DDX60L: variants seen among roughly 807,000 people sequenced by gnomAD.
The protein encoded by DDX60L is DExD/H-box 60 like.
In DDX60L, 191 loss-of-function variants were observed where a neutral mutation model predicts 211.6. That is an observed-to-expected ratio of 0.90 (90% CI 0.80 to 1.02). The LOEUF is 1.02. Ranked by LOEUF, DDX60L falls within the 50% of genes least tolerant of loss-of-function variation. The pLI is 0.00. For synonymous variants in DDX60L, 706 were observed against 694.1 expected (o/e 1.02, Z -0.27); for missense variants, 2,007 against 1,984.1 (o/e 1.01, Z -0.22).
chr4:168,406,321 G>A (rs1747739125), intron 23 of DDX60L, among the ~76,000 whole-genome samples: 1 of 152,098 alleles, frequency 6.6e-6, no homozygotes, highest in Admixed American at 6.5e-5. Flanking sequence ...CAACAGAGAA[G>A]AGAATAGAGG....
chr4:168,362,585 C>T (rs1739291511), intron 36 of DDX60L, among the ~76,000 whole-genome samples: 1 of 152,152 alleles, frequency 6.6e-6, no homozygotes, highest in Non-Finnish European at 1.5e-5. Context: ...CCTGCCCCCA[C>T]CAAAACCATA....
intron 20 of DDX60L, 127 bp downstream of exon 20, chr4:168,416,555 T>G: frequency 1.9e-6 from 1 of 538,410 alleles, no homozygotes. Flanking sequence ...CACTGACGTT[T>G]CAAAGATTGG....
chr4:168,422,664 C>A lies in DDX60L; in HGVS notation c.2104G>T (p.Asp702Tyr). The change falls in exon 16 of 38, where the codon GAT (aspartate) becomes TAT (tyrosine). Residue 702 changes from aspartate to tyrosine, a missense_variant. By Grantham distance (160) the Asp-to-Tyr change is radical (BLOSUM62 -3). Transcript: ENST00000682922. ...ANSLDPTLIGDDKNKKKYSID... is the reference protein window; with the variant it reads ...ANSLDPTLIGYDKNKKKYSID... ...GAATATTTCTTCTTATTTTTGTCATCTCCTATCTGTTATTTTAATATATTA... is the reference window on the plus strand; with the variant it reads ...GAATATTTCTTCTTATTTTTGTCATATCCTATCTGTTATTTTAATATATTA... 1 of 1,583,594 alleles carries A rather than the reference C, an allele frequency of 6.3e-7. No individual in the cohort carries two copies. The highest frequency in any genetic ancestry group is 1.2e-5 in the South Asian group (1 of 86,276).
At chr4:168,423,303 A>G (rs1750948801) in intron 15 of DDX60L, among the ~76,000 whole-genome samples, 1 of 152,150 alleles carries the variant, frequency 6.6e-6, no homozygotes, top group South Asian at 2.1e-4. Flanking sequence ...AGATTGCACT[A>G]GAATTAAGTA....
Position 168,462,025 on chromosome 4 carries a change from A to G in DDX60L, c.280T>C (p.Tyr94His), listed in dbSNP as rs1481786779. 1 of 1,603,520 alleles carries G rather than the reference A, an allele frequency of 6.2e-7. No individual in the cohort carries two copies. Among genetic ancestry groups the G allele is most frequent in the African/African-American group, 1.3e-5 (1 of 74,566 alleles). The change falls in exon 5 of 38, where the codon TAT becomes CAT. Residue 94 changes from tyrosine (Y) to histidine (H), a missense_variant. Transcript: ENST00000682922. The part of the protein sequence containing the change: ...IVFFKDAEYA[Y>H]FDFPELLSLR... ...GAAAGAAGTTCAGGAAAATCAAAAT[A>G]TGCATATTCAGCATCCTGTGGTGAG...
At chr4:168,370,775 A>G (rs1189970200) in intron 36 of DDX60L, among the ~76,000 whole-genome samples, 1 of 152,174 alleles carries the variant, frequency 6.6e-6, no homozygotes, top group Non-Finnish European at 1.5e-5. Flanking sequence ...TATTTTTATC[A>G]GAATTATTTA....
In DDX60L at chr4:168,378,411, TC is replaced by T. The variant is rs1233943559; in HGVS notation, c.4427del (p.Gly1476GlufsTer14). ...GGAATTTTGCTGGAATATATTTTCT[TC>T]CAAACAAATTTGCCAATACTAACAC... ...KLVLVLANLF[G>X]RKYIPAKFQN... On this transcript the variant is annotated frameshift_variant, in exon 33 of 38. Coordinates refer to ENST00000682922, the MANE Select transcript of DDX60L (RefSeq NM_001012967.3). LOFTEE classifies it high-confidence loss of function. The T allele has an allele frequency of 1.9e-6, 3 of 1,553,352 alleles. No homozygotes were observed. Among genetic ancestry groups the T allele is most frequent in the Non-Finnish European group, 2.6e-6 (3 of 1,140,704 alleles).
At chr4:168,420,503 C>T in intron 17 of DDX60L, 123 bp from the exon 18 acceptor site, 1 of 667,810 alleles carries the variant, frequency 1.5e-6, no homozygotes, top group Non-Finnish European at 2.3e-6. Context: ...CACACACACA[C>T]ACTTCAATGA....
chr4:168,421,826 G>T lies in DDX60L; in HGVS notation c.2328C>A (p.Tyr776Ter). 1 of 1,614,214 alleles carries T rather than the reference G, an allele frequency of 6.2e-7. No individual in the cohort carries two copies. The highest frequency in any genetic ancestry group is 8.5e-7 in the Non-Finnish European group (1 of 1,180,042). ...CCCTCAGCACTTTCTCCATGCAGTA[G>T]TAGGAAGCATAGGTTTTGCCTGAGG... ...PTSSGKTYASYYCMEKVLRES... is the reference protein window; with the variant it reads ...PTSSGKTYAS Residue 776 changes from tyrosine (Y) to a stop codon, truncating the protein, a stop_gained, in exon 17 of 38, where the codon TAC (tyrosine) becomes TAA (stop). Transcript: ENST00000682922. LOFTEE classifies it high-confidence loss of function.
At chr4:168,432,885 G>T in intron 11 of DDX60L, 125 bp downstream of exon 11, 1 of 546,834 alleles carries the variant, frequency 1.8e-6, no homozygotes. Context: ...ATGTATTATA[G>T]TCACATTATA....
intron 22 of DDX60L, among the ~76,000 whole-genome samples, chr4:168,412,134 C>A (rs1293580034): frequency 1.3e-5 from 2 of 151,852 alleles, no homozygotes; most frequent in Non-Finnish European, 2.9e-5. Flanking sequence ...GGCATGCTGG[C>A]TTCAGATATG....
chr4:168,386,017 A>G (rs1052050549), intron 29 of DDX60L, among the ~76,000 whole-genome samples: 1 of 152,006 alleles, frequency 6.6e-6, no homozygotes, highest in Admixed American at 6.6e-5. Context: ...AGAAGGGGAG[A>G]GAGAGAGGGA....
Position 168,452,936 on chromosome 4 carries a change from C to G in DDX60L, c.996+188G>C, listed in dbSNP as rs1047797175. Among the ~76,000 whole-genome samples the G allele has an allele frequency of 2.6e-5, 4 of 152,138 alleles. No individual in the cohort carries two copies. The East Asian group carries it at 7.7e-4, about 29-fold the overall frequency. ...ATAAGAAGGAAAAAGAGGAGGCTCT[C>G]ATGCTTCTATAAAACAGATATACTG... On this transcript the variant is annotated intron_variant, in intron 8 of 37. Transcript: ENST00000682922.
At position 168,453,292 on chromosome 4, in the gene DDX60L, A is replaced by T. The variant is rs368843288; in HGVS notation, c.838-10T>A. On this transcript the variant is annotated splice_polypyrimidine_tract_variant and intron_variant, in intron 7 of 37. Transcript: ENST00000682922. Reference sequence around the variant, plus strand: ...GGCAATTACTGTGCACCTGCGTACAATAAAGAAGATGAGAACAGTCACAAT... The same window carrying T: ...GGCAATTACTGTGCACCTGCGTACATTAAAGAAGATGAGAACAGTCACAAT... The T allele has an allele frequency of 3.1e-6, 5 of 1,603,704 alleles. No individual in the cohort carries two copies. The African/African-American group carries it at 6.7e-5, about 22-fold the overall frequency.
At chr4:168,392,994 C>A (rs906778102) in intron 28 of DDX60L, among the ~76,000 whole-genome samples, 11 of 152,186 alleles carry the variant, frequency 7.2e-5, no homozygotes, top group African/African-American at 2.7e-4. Context: ...ACAAGGTCTA[C>A]AACACTGACT....
At chr4:168,461,602 A>G (rs898691135) in intron 5 of DDX60L, 97 bp downstream of exon 5, 4 of 859,196 alleles carry the variant, frequency 4.7e-6, no homozygotes, top group Admixed American at 3.0e-5. Flanking sequence ...ACTGCCTATA[A>G]TAAGTTCCAT....
At chr4:168,390,411 G>A (rs1029012147) in intron 29 of DDX60L, 82 of 1,285,144 alleles carry the variant, frequency 6.4e-5, no homozygotes, top group Non-Finnish European at 7.8e-5. Flanking sequence ...CTTGAGAAAA[G>A]GAAAATATGG....
intron 6 of DDX60L, among the ~76,000 whole-genome samples, chr4:168,456,410 C>T (rs1756575885): frequency 6.6e-6 from 1 of 151,860 alleles, no homozygotes; most frequent in African/African-American, 2.4e-5. Flanking sequence ...TTTAGTAAAA[C>T]ATGAACTGAT....
rs901741908 is a variant in DDX60L at position 168,371,727 on chromosome 4, C to T, written c.4813G>A (p.Ala1605Thr). Residue 1605 changes from alanine to threonine, a missense_variant, in exon 36 of 38, where the codon GCT becomes ACT. Transcript: ENST00000682922. ...LRTVGVSGTQ[A>T]PLLWPWKLDN... The stretch of plus-strand genomic sequence containing the variant: ...AATTTCCATGGCCACAGCAGAGGAG[C>T]CTGAGTGCCACTAACACCGACTGTG... 1.2e-6 allele frequency: 2 copies of T among 1,610,676 alleles called. No individual in the cohort carries two copies. The highest frequency in any genetic ancestry group is 1.7e-6 in the Non-Finnish European group (2 of 1,177,720).
Sources: gnomAD v4.1 joint callset for allele counts (sites outside exome capture counted in the v4.1 genomes callset) on GRCh38, gnomAD v4.1.1 for gene constraint, MANE v1.5 for transcripts, NCBI Gene and HGNC (gene_info 2026-07-23, HGNC 2026-07-21) for gene names.